Variants in XXYLT1 observed in about 807,000 individuals in gnomAD.
The protein encoded by XXYLT1 is xyloside xylosyltransferase 1, also known as UDP-xylose:alpha-xyloside alpha-1,3-xylosyltransferase.
XXYLT1 carries 20 observed loss-of-function variants against 28.9 expected under a neutral mutation model. The ratio of observed to expected loss-of-function variants is 0.69; its 90% CI spans 0.49 to 1.00. XXYLT1 has a LOEUF of 1.00. Among genes scored for constraint, XXYLT1 ranks in the 50% least tolerant of loss-of-function variants. XXYLT1 has a pLI of 0.00. For missense variants in XXYLT1, 542 were observed against 560.1 expected (o/e 0.97, Z 0.33); for synonymous variants, 257 against 253.8 (o/e 1.01, Z -0.12).
intron 2 of XXYLT1, among the ~76,000 whole-genome samples, chr3:195,199,870 C>T (rs1346330767): frequency 2.6e-5 from 4 of 152,152 alleles, no homozygotes; most frequent in Non-Finnish European, 5.9e-5. Flanking sequence ...ATGGCGTTTC[C>T]CCAACTGGTG....
At chr3:195,157,199 C>G (rs1022230462) in intron 2 of XXYLT1, among the ~76,000 whole-genome samples, 1 of 144,060 alleles carries the variant, frequency 6.9e-6, no homozygotes, top group African/African-American at 2.6e-5. Flanking sequence ...GCTGAGATCG[C>G]GCCACTGCAC....
At chr3:195,156,945 T>C (rs1720628639) in intron 2 of XXYLT1, among the ~76,000 whole-genome samples, 1 of 152,100 alleles carries the variant, frequency 6.6e-6, no homozygotes, top group African/African-American at 2.4e-5. Context: ...CCTGCTTCCC[T>C]ACATAAAACT....
At chr3:195,189,743 G>C (rs529789906) in intron 2 of XXYLT1, among the ~76,000 whole-genome samples, 1 of 152,224 alleles carries the variant, frequency 6.6e-6, no homozygotes, top group African/African-American at 2.4e-5. Context: ...TGCAATGGGA[G>C]ACCTAGAAGG....
At chr3:195,154,860 G>A (rs148239698) in intron 3 of XXYLT1, among the ~76,000 whole-genome samples, 11 of 152,306 alleles carry the variant, frequency 7.2e-5, no homozygotes, top group African/African-American at 2.6e-4. Flanking sequence ...TTCTTCTGAA[G>A]AGGCAGGAAG....
At chr3:195,144,057 C>T (rs1408906114) in intron 3 of XXYLT1, among the ~76,000 whole-genome samples, 1 of 149,128 alleles carries the variant, frequency 6.7e-6, no homozygotes, top group African/African-American at 2.4e-5. Flanking sequence ...CCACGCCCAG[C>T]TGATTTTTGT....
intron 3 of XXYLT1, among the ~76,000 whole-genome samples, chr3:195,155,548 T>A (rs56355640): frequency 0.02 from 3,089 of 151,580 alleles, 39 homozygotes; most frequent in Non-Finnish European, 0.029. Context: ...TTTTTTTTTT[T>A]AATTACAAGA....
At chr3:195,071,958 C>A (rs896532123) in intron 3 of XXYLT1, among the ~76,000 whole-genome samples, 1 of 152,070 alleles carries the variant, frequency 6.6e-6, no homozygotes, top group Non-Finnish European at 1.5e-5. Context: ...GACCTGTGGC[C>A]GCCGAGGTCC....
rs1715273604 is a variant in XXYLT1 at position 195,078,910 on chromosome 3, C to G, written c.786-8799G>C. Among the ~76,000 whole-genome samples the G allele has an allele frequency of 6.6e-6, 1 of 152,196 alleles. No individual in the cohort carries two copies. Among genetic ancestry groups the G allele is most frequent in the African/African-American group, 2.4e-5 (1 of 41,446 alleles). ...TCACCTTGACCACAGTGTCCTCAAACCACACCTAAGCTACCCACTCGGCTC... is the reference window on the plus strand; with the variant it reads ...TCACCTTGACCACAGTGTCCTCAAAGCACACCTAAGCTACCCACTCGGCTC... On this transcript the variant is annotated intron_variant, in intron 3 of 3. Coordinates refer to ENST00000310380, the MANE Select transcript of XXYLT1 (RefSeq NM_152531.5). The surrounding 1 kb of genome is among the most constrained non-coding windows in gnomAD (Gnocchi z 5.0).
intron 2 of XXYLT1, among the ~76,000 whole-genome samples, chr3:195,193,233 G>A (rs57365391): frequency 0.05 from 7,589 of 151,238 alleles, 592 homozygotes; most frequent in African/African-American, 0.17. Context: ...GGATGCAGTG[G>A]GCGGAGGTCA....
intron 2 of XXYLT1, among the ~76,000 whole-genome samples, chr3:195,202,178 A>G (rs1209778474): frequency 1.3e-5 from 2 of 152,116 alleles, no homozygotes; most frequent in East Asian, 3.9e-4. Flanking sequence ...CTCCGTCTCA[A>G]AAAAAAAGAG....
At chr3:195,079,665 C>T (rs977458822) in intron 3 of XXYLT1, among the ~76,000 whole-genome samples, 6 of 151,984 alleles carry the variant, frequency 3.9e-5, no homozygotes, top group Non-Finnish European at 5.9e-5. Context: ...AAGAGCTGTC[C>T]GGGAAGAGGG....
intron 1 of XXYLT1, among the ~76,000 whole-genome samples, chr3:195,239,454 C>G (rs977724161): frequency 6.6e-6 from 1 of 152,170 alleles, no homozygotes; most frequent in Non-Finnish European, 1.5e-5. Flanking sequence ...GCAAGAAGAA[C>G]ATACAACCTG....
intron 3 of XXYLT1, among the ~76,000 whole-genome samples, chr3:195,121,217 G>C (rs560400727): frequency 3.3e-5 from 5 of 152,192 alleles, no homozygotes; most frequent in African/African-American, 1.2e-4. Context: ...TTTCACCCGA[G>C]GATGTGATCT....
At chr3:195,241,929 G>A (rs1478077951) in intron 1 of XXYLT1, among the ~76,000 whole-genome samples, 2 of 152,092 alleles carry the variant, frequency 1.3e-5, no homozygotes, top group Non-Finnish European at 2.9e-5. Context: ...CACCAGACAT[G>A]TCATATTTTT....
chr3:195,235,022 G>A (rs924105927), intron 1 of XXYLT1, among the ~76,000 whole-genome samples: 1 of 151,708 alleles, frequency 6.6e-6, no homozygotes, highest in Non-Finnish European at 1.5e-5. Context: ...CAATTTTCCA[G>A]ATCTCGTAGG....
At chr3:195,154,606 A>C (rs890230521) in intron 3 of XXYLT1, among the ~76,000 whole-genome samples, 2 of 152,140 alleles carry the variant, frequency 1.3e-5, no homozygotes, top group African/African-American at 4.8e-5. Flanking sequence ...CTCCCTCCCA[A>C]GGGCTTGCAG....
chr3:195,202,390 A>G (rs984146789), intron 2 of XXYLT1, among the ~76,000 whole-genome samples: 3 of 145,716 alleles, frequency 2.1e-5, no homozygotes, highest in African/African-American at 7.9e-5. Context: ...AAAGAGACCA[A>G]CTAGGTCCCT....
At position 195,210,430 on chromosome 3, in the gene XXYLT1, G is replaced by A. The variant is rs1359734834; in HGVS notation, c.652+16279C>T. The stretch of plus-strand genomic sequence containing the variant: ...AGGACGGACTCCTCATGGGTGAGGC[G>A]AGGCCCAGAAAAAAGTTGGCTGACG... On this transcript the variant is annotated intron_variant, in intron 2 of 3. Transcript: ENST00000310380. The surrounding 1 kb of genome is among the most constrained non-coding windows in gnomAD (Gnocchi z 4.8). 2.6e-5 allele frequency among the ~76,000 whole-genome samples: 4 copies of A among 152,164 alleles called. No individual in the cohort carries two copies. The highest frequency in any genetic ancestry group is 9.7e-5 in the African/African-American group (4 of 41,438).
chr3:195,127,481 A>G (rs2108624076), intron 3 of XXYLT1, among the ~76,000 whole-genome samples: 1 of 152,312 alleles, frequency 6.6e-6, no homozygotes, highest in East Asian at 1.9e-4. Context: ...GACAATGCTA[A>G]AAGTTTAAAA....
Sources: allele counts gnomAD v4.1 joint callset (sites outside exome capture counted in the v4.1 genomes callset), GRCh38; gene constraint gnomAD v4.1.1; non-coding constraint Gnocchi (gnomAD v3.1); transcripts MANE v1.5; gene names NCBI Gene and HGNC (gene_info 2026-07-23, HGNC 2026-07-21).